Variants in EPC2 observed in about 807,000 individuals in gnomAD.
The protein encoded by EPC2 is enhancer of polycomb 2.
A neutral mutation model predicts 92.1 loss-of-function variants in EPC2; 14 were observed. That is an observed-to-expected ratio of 0.15 (90% confidence interval 0.10 to 0.24). EPC2 has a LOEUF of 0.24. Ranked by LOEUF, EPC2 falls within the 10% of genes least tolerant of loss-of-function variation. The pLI is 1.00. For synonymous variants in EPC2, 340 were observed against 334.7 expected (o/e 1.02, Z -0.17); for missense variants, 755 against 971.5 (o/e 0.78, Z 2.96).
chr2:148,721,641 A>G (rs1302037587), intron 2 of EPC2, among the ~76,000 whole-genome samples: 1 of 149,140 alleles, frequency 6.7e-6, no homozygotes, highest in Non-Finnish European at 1.5e-5. Flanking sequence ...GTTGCTTCAC[A>G]TGTTGCTTGT....
chr2:148,645,003 T>A lies in EPC2; in HGVS notation c.-15T>A. ...GCCGCCGCCGCCCGGGCTGTTCCTG[T>A]AAGGCGGGGAGACAATGAGTAAACT... On this transcript the variant is annotated 5_prime_UTR_variant, in exon 1 of 14. Coordinates refer to ENST00000258484, the MANE Select transcript of EPC2 (RefSeq NM_015630.4). 1 of 1,535,260 alleles carries A rather than the reference T, an allele frequency of 6.5e-7. No individual in the cohort carries two copies. The highest frequency in any genetic ancestry group is 2.5e-5 in the East Asian group (1 of 39,608).
chr2:148,762,826 A>G (rs1359924034), intron 6 of EPC2, 24 bp downstream of exon 6: 5 of 1,583,952 alleles, frequency 3.2e-6, no homozygotes. Flanking sequence ...GGGAAGAAGC[A>G]TGTATGGATG....
chr2:148,651,624 GTT>G lies in EPC2; in HGVS notation c.153+6455_153+6456del, dbSNP rs146132791. ...TCTGGAGTTTTTGTTTCTAGTTCTGGTTGTCATGGATTAACCCATTTATGCCT... is the reference window on the plus strand; with the variant it reads ...TCTGGAGTTTTTGTTTCTAGTTCTGGGTCATGGATTAACCCATTTATGCCT... On this transcript the variant is annotated intron_variant, in intron 1 of 13. Transcript: ENST00000258484. 5.7e-3 allele frequency among the ~76,000 whole-genome samples: 868 copies of G among 152,228 alleles called. 9 individuals are homozygous for G. The highest frequency in any genetic ancestry group is 0.02 in the African/African-American group (825 of 41,530).
chr2:148,779,348 G>A (rs1226712073), intron 10 of EPC2, among the ~76,000 whole-genome samples: 2 of 152,174 alleles, frequency 1.3e-5, no homozygotes, highest in Non-Finnish European at 2.9e-5. Context: ...TTGGGAGACT[G>A]AGGCAGGAAG....
chr2:148,658,192 G>C (rs1336706283), intron 1 of EPC2, among the ~76,000 whole-genome samples: 1 of 152,082 alleles, frequency 6.6e-6, no homozygotes, highest in African/African-American at 2.4e-5. Flanking sequence ...TGAACTCACA[G>C]CCGGCAGCAT....
At chr2:148,647,653 T>G (rs1364225745) in intron 1 of EPC2, among the ~76,000 whole-genome samples, 4 of 119,004 alleles carry the variant, frequency 3.4e-5, no homozygotes, top group Non-Finnish European at 6.9e-5. Flanking sequence ...TTTTAATTTA[T>G]TACCGAGTCT....
chr2:148,770,961 T>A, intron 9 of EPC2, 24 bp downstream of exon 9: 1 of 1,602,980 alleles, frequency 6.2e-7, no homozygotes, highest in Non-Finnish European at 8.5e-7. Context: ...TTTCACCTGG[T>A]TTTTGTTTGC....
At chr2:148,707,553 C>T (rs894701146) in intron 2 of EPC2, among the ~76,000 whole-genome samples, 5 of 152,212 alleles carry the variant, frequency 3.3e-5, no homozygotes, top group Admixed American at 2.0e-4. Flanking sequence ...ACATTCTTCT[C>T]AGCACCACAT....
chr2:148,669,680 G>A (rs1163268069), intron 1 of EPC2, among the ~76,000 whole-genome samples: 1 of 152,130 alleles, frequency 6.6e-6, no homozygotes, highest in Non-Finnish European at 1.5e-5. Flanking sequence ...ACTAGTGCCT[G>A]TTCGTAGCAA....
chr2:148,781,878 C>T, intron 11 of EPC2, 98 bp downstream of exon 11: 1 of 1,436,830 alleles, frequency 7.0e-7, no homozygotes. Context: ...CTTGGTTTTG[C>T]CACTCTTGAT....
chr2:148,668,293 A>G (rs1681091979), intron 1 of EPC2, among the ~76,000 whole-genome samples: 1 of 152,074 alleles, frequency 6.6e-6, no homozygotes, highest in African/African-American at 2.4e-5. Context: ...GAATAACCCC[A>G]TTTGGTCATG....
chr2:148,775,775 C>CT (rs70995334), intron 10 of EPC2, among the ~76,000 whole-genome samples: 61,228 of 92,050 alleles, frequency 0.67, 23,089 homozygotes, highest in Non-Finnish European at 0.77. Flanking sequence ...AATTTCTTTT[C>CT]TTTTTTTTTT....
At chr2:148,704,127 T>C (rs1404863564) in intron 2 of EPC2, among the ~76,000 whole-genome samples, 1 of 152,198 alleles carries the variant, frequency 6.6e-6, no homozygotes, top group Non-Finnish European at 1.5e-5. Flanking sequence ...TCACAAAAGC[T>C]AAAACATGGA....
rs151191806 is a variant in EPC2, at chr2:148,764,183, G to A, written c.949-772G>A. On this transcript the variant is annotated intron_variant, in intron 6 of 13. Transcript: ENST00000258484. ...TGTGTGTACTGTTTTTGACCTTAAA[G>A]TAGTTAATATCTGGACTAGATGTGG... 1.8e-3 allele frequency among the ~76,000 whole-genome samples: 273 copies of A among 152,290 alleles called. 1 individual carries two copies. The highest frequency in any genetic ancestry group is 1.1e-3 in the Non-Finnish European group (72 of 68,024).
intron 2 of EPC2, among the ~76,000 whole-genome samples, chr2:148,710,848 G>A (rs1682124912): frequency 6.6e-6 from 1 of 152,110 alleles, no homozygotes. Context: ...GCCTGTTGTG[G>A]GTTGGGGGGA....
intron 1 of EPC2, among the ~76,000 whole-genome samples, chr2:148,688,039 T>C (rs1257111089): frequency 6.6e-6 from 1 of 152,080 alleles, no homozygotes; most frequent in Non-Finnish European, 1.5e-5. Context: ...TAATTCCTTT[T>C]GTATAATAAC....
intron 1 of EPC2, among the ~76,000 whole-genome samples, chr2:148,647,038 A>G (rs1160423783): frequency 2.0e-5 from 3 of 152,124 alleles, no homozygotes; most frequent in South Asian, 4.2e-4. Context: ...TGAACCCGGG[A>G]GAAAGAGGTT....
At chr2:148,715,571 C>A (rs1682243039) in intron 2 of EPC2, among the ~76,000 whole-genome samples, 1 of 152,042 alleles carries the variant, frequency 6.6e-6, no homozygotes, top group Admixed American at 6.6e-5. Context: ...CTATTCTGTT[C>A]CATTCGTCTG....
intron 2 of EPC2, among the ~76,000 whole-genome samples, chr2:148,723,887 G>T (rs1354109561): frequency 6.6e-6 from 1 of 151,682 alleles, no homozygotes; most frequent in African/African-American, 2.4e-5. Context: ...TTGTAGCTTT[G>T]TTTTTTTAAT....
Sources: gnomAD v4.1 joint callset for allele counts (sites outside exome capture counted in the v4.1 genomes callset) on GRCh38, gnomAD v4.1.1 for gene constraint, MANE v1.5 for transcripts, NCBI Gene and HGNC (gene_info 2026-07-23, HGNC 2026-07-21) for gene names.